AQP9: variants seen among roughly 807,000 people sequenced by gnomAD.
AQP9 encodes the protein aquaporin-9.
AQP9 carries 19 observed loss-of-function variants against 23.8 expected under a neutral mutation model. That is an observed-to-expected ratio of 0.80 (90% CI 0.56 to 1.17). AQP9 has a LOEUF of 1.17. Ranked by LOEUF, AQP9 falls within the 50% of genes most tolerant of loss-of-function variation. AQP9 has a pLI of 0.00. For missense variants in AQP9, 413 were observed against 362.0 expected (o/e 1.14, Z -1.14); for synonymous variants, 153 against 131.5 (o/e 1.16, Z -1.12).
At chr15:58,167,734 G>GT (rs11431736) in intron 2 of AQP9, among the ~76,000 whole-genome samples, 6,031 of 150,684 alleles carry the variant, frequency 0.04, 276 homozygotes, top group African/African-American at 0.11. Flanking sequence ...GTTTGGTTTT[G>GT]TTTTTTTTTA....
rs370653767 is a variant in AQP9, at chr15:58,161,995, T to C, written c.112-4678T>C. Among the ~76,000 whole-genome samples, 5 of 152,006 alleles carry C rather than the reference T, an allele frequency of 3.3e-5. No individual in the cohort carries two copies. In the Admixed American group the frequency reaches 3.3e-4, roughly 10 times the overall value. On this transcript the variant is annotated intron_variant, in intron 1 of 5. Transcript: ENST00000219919. ...TTACAGAGAAAAAAAAAGTTCAACA[T>C]ATTATCTTGAAAATCTTCTTATAAA...
In AQP9 at chr15:58,138,538, A is replaced by G; in HGVS notation, c.-28A>G. The G allele has an allele frequency of 6.3e-7, 1 of 1,596,462 alleles. No homozygotes were observed. The highest frequency in any genetic ancestry group is 8.6e-7 in the Non-Finnish European group (1 of 1,165,568). On this transcript the variant is annotated 5_prime_UTR_variant, in exon 1 of 6. Coordinates refer to ENST00000219919, the MANE Select transcript of AQP9 (RefSeq NM_020980.5). Reference sequence around the variant, plus strand: ...GACCACAACAGGTAGGTATTGGTAGAAACAGGAGTCCTCAGAGAAGCCCCA... The same window carrying G: ...GACCACAACAGGTAGGTATTGGTAGGAACAGGAGTCCTCAGAGAAGCCCCA...
chr15:58,175,389 T>A (rs562284998), intron 4 of AQP9, among the ~76,000 whole-genome samples: 1 of 152,348 alleles, frequency 6.6e-6, no homozygotes, highest in Admixed American at 6.5e-5. Flanking sequence ...GAGAAGATAT[T>A]TCTATTTCAA....
chr15:58,179,193 C>T lies in AQP9; in HGVS notation c.561C>T (p.Ala187=). 2 of 1,613,964 alleles carry T rather than the reference C, an allele frequency of 1.2e-6. No homozygotes were observed. Among genetic ancestry groups the T allele is most frequent in the Non-Finnish European group, 1.7e-6 (2 of 1,179,890 alleles). Residue 187 remains alanine, a synonymous_variant, in exon 5 of 6, where the codon GCC becomes GCT. Coordinates refer to ENST00000219919, the MANE Select transcript of AQP9 (RefSeq NM_020980.5). Reference sequence around the variant, plus strand: ...TCTTTGACTCCAGAAACTTGGGAGCCCCCAGAGGCCTAGAGCCCATTGCCA... The same window carrying T: ...TCTTTGACTCCAGAAACTTGGGAGCTCCCAGAGGCCTAGAGCCCATTGCCA... ...FAIFDSRNLG[A]PRGLEPIAIG...
chr15:58,167,265 T>C (rs1898529986), intron 2 of AQP9, among the ~76,000 whole-genome samples: 1 of 152,220 alleles, frequency 6.6e-6, no homozygotes, highest in African/African-American at 2.4e-5. Flanking sequence ...TACAAGGTCT[T>C]AGTCTAATCC....
At chr15:58,141,810 A>T (rs1897957193) in intron 1 of AQP9, among the ~76,000 whole-genome samples, 1 of 152,208 alleles carries the variant, frequency 6.6e-6, no homozygotes, top group African/African-American at 2.4e-5. Flanking sequence ...ATTATTACAA[A>T]GTTTGTTCAG....
chr15:58,180,155 A>T (rs1367413843), intron 5 of AQP9, among the ~76,000 whole-genome samples: 1 of 152,218 alleles, frequency 6.6e-6, no homozygotes, highest in East Asian at 1.9e-4. Context: ...ATGCAGTCAC[A>T]GAGGCGCATC....
At chr15:58,143,389 T>C (rs142435822) in intron 1 of AQP9, among the ~76,000 whole-genome samples, 229 of 152,294 alleles carry the variant, frequency 1.5e-3, no homozygotes, top group African/African-American at 5.4e-3. Flanking sequence ...CCAGACACTT[T>C]GATCCTTAAA....
chr15:58,180,048 A>G (rs1471220178), intron 5 of AQP9, among the ~76,000 whole-genome samples: 1 of 152,184 alleles, frequency 6.6e-6, no homozygotes, highest in Non-Finnish European at 1.5e-5. Context: ...AAGACTCCAC[A>G]CTTTCTACTT....
chr15:58,156,185 T>G (rs571374107), intron 1 of AQP9: 1 of 152,358 alleles, frequency 6.6e-6, no homozygotes, highest in South Asian at 2.1e-4. Flanking sequence ...GCTGAAATTC[T>G]AATTAAACTA....
At chr15:58,145,098 T>C (rs553839297) in intron 1 of AQP9, among the ~76,000 whole-genome samples, 2 of 152,310 alleles carry the variant, frequency 1.3e-5, no homozygotes, top group East Asian at 3.9e-4. Context: ...AAAAAGAAGT[T>C]TGTTTTCCAT....
chr15:58,174,787 T>G (rs371071228), intron 3 of AQP9, 131 bp from the exon 4 acceptor site: 8 of 736,244 alleles, frequency 1.1e-5, no homozygotes, highest in East Asian at 1.0e-4. Flanking sequence ...TCCTCGGAAG[T>G]AGAGAGAGAC....
intron 1 of AQP9, among the ~76,000 whole-genome samples, chr15:58,164,449 C>G (rs1272095571): frequency 6.6e-6 from 1 of 152,090 alleles, no homozygotes; most frequent in Non-Finnish European, 1.5e-5. Flanking sequence ...AAGTTGTGCC[C>G]AGAGCATTTA....
At chr15:58,161,638 C>T (rs1472265434) in intron 1 of AQP9, among the ~76,000 whole-genome samples, 1 of 152,182 alleles carries the variant, frequency 6.6e-6, no homozygotes, top group Non-Finnish European at 1.5e-5. Flanking sequence ...GTTTTTATTG[C>T]CAGGCAGCAA....
chr15:58,168,427 G>T (rs374580926), intron 2 of AQP9, among the ~76,000 whole-genome samples: 175 of 152,248 alleles, frequency 1.1e-3, no homozygotes, highest in African/African-American at 4.1e-3. Context: ...AGTTAAGCTG[G>T]CTGGCCTCCT....
intron 1 of AQP9, among the ~76,000 whole-genome samples, chr15:58,148,946 G>C (rs976728017): frequency 6.6e-6 from 1 of 152,110 alleles, no homozygotes; most frequent in African/African-American, 2.4e-5. Flanking sequence ...AAGTACAGCT[G>C]GTTCTTGGGT....
chr15:58,177,975 T>G (rs975670177), intron 4 of AQP9, among the ~76,000 whole-genome samples: 1 of 152,210 alleles, frequency 6.6e-6, no homozygotes, highest in African/African-American at 2.4e-5. Flanking sequence ...TCAAAAATAT[T>G]TTTAAATTGC....
At chr15:58,151,195 C>T (rs887668065) in intron 1 of AQP9, 4 of 152,146 alleles carry the variant, frequency 2.6e-5, no homozygotes, top group African/African-American at 9.7e-5. Context: ...ACATTTCACT[C>T]TAGCATCCCT....
chr15:58,183,176 G>T (rs1291966553), intron 5 of AQP9, among the ~76,000 whole-genome samples: 1 of 152,046 alleles, frequency 6.6e-6, no homozygotes, highest in East Asian at 1.9e-4. Flanking sequence ...CCATTCCCCT[G>T]CTTTTTAAAA....
Sources: gnomAD v4.1 joint callset for allele counts (sites outside exome capture counted in the v4.1 genomes callset) on GRCh38, gnomAD v4.1.1 for gene constraint, MANE v1.5 for transcripts, NCBI Gene and HGNC (gene_info 2026-07-23, HGNC 2026-07-21) for gene names.